The following CDYL2 variants were observed in gnomAD, a reference collection of about 807,000 sequenced individuals.
The protein encoded by CDYL2 is chromodomain Y like 2, also known as chromodomain Y-like protein 2.
In CDYL2, 23 loss-of-function variants were observed where a neutral mutation model predicts 49.4. The observed-to-expected ratio is 0.47, with a 90% CI of 0.34 to 0.66. The LOEUF is 0.66. CDYL2 is among the 30% of genes least tolerant of loss of function. The pLI is 0.01. For missense variants in CDYL2, 678 were observed against 656.4 expected (o/e 1.03, Z -0.36); for synonymous variants, 360 against 268.8 (o/e 1.34, Z -3.32).
intron 1 of CDYL2, among the ~76,000 whole-genome samples, chr16:80,733,516 C>T (rs778275740): frequency 5.3e-5 from 8 of 152,142 alleles, no homozygotes; most frequent in Non-Finnish European, 8.8e-5. Flanking sequence ...TCTCTTTATA[C>T]GCAGTAGGAA....
Position 80,633,936 on chromosome 16 carries a change from C to T in CDYL2, c.617-700G>A, listed in dbSNP as rs546805994. Among the ~76,000 whole-genome samples the T allele has an allele frequency of 2.0e-5, 3 of 152,304 alleles. 1 individual carries two copies. The South Asian group carries it at 6.2e-4, about 32-fold the overall frequency. On this transcript the variant is annotated intron_variant, in intron 2 of 6. Transcript: ENST00000570137. ...CCAGATGTATAACGGTTCCCAGTCT[C>T]CAGCCTCACACAGGATACATCAGGA...
intron 2 of CDYL2, among the ~76,000 whole-genome samples, chr16:80,663,913 A>G (rs1356490761): frequency 1.3e-5 from 2 of 152,230 alleles, no homozygotes; most frequent in African/African-American, 4.8e-5. Context: ...AGCATTCAGC[A>G]GTGTAAAGCA....
chr16:80,707,327 G>A (rs1904438745), intron 1 of CDYL2, among the ~76,000 whole-genome samples: 1 of 151,992 alleles, frequency 6.6e-6, no homozygotes, highest in Non-Finnish European at 1.5e-5. Context: ...ACTCATCCTG[G>A]GGCTGGCGTG....
intron 1 of CDYL2, among the ~76,000 whole-genome samples, chr16:80,773,617 T>C (rs1419555001): frequency 6.6e-6 from 1 of 152,178 alleles, no homozygotes; most frequent in Non-Finnish European, 1.5e-5. Context: ...TGTTCTTTAA[T>C]GATAAAATTG....
intron 1 of CDYL2, among the ~76,000 whole-genome samples, chr16:80,711,762 G>A (rs2142512356): frequency 6.6e-6 from 1 of 152,190 alleles, no homozygotes; most frequent in South Asian, 2.1e-4. Flanking sequence ...CAGTAAATCT[G>A]AAGCATAGTG....
intron 2 of CDYL2, among the ~76,000 whole-genome samples, chr16:80,678,640 A>ACTGTT (rs2142464667): frequency 6.7e-6 from 1 of 149,454 alleles, no homozygotes; most frequent in South Asian, 2.2e-4. Context: ...GTGGAGAAAT[A>ACTGTT]GGAACACTTT....
chr16:80,753,278 T>G (rs752687661), intron 1 of CDYL2, among the ~76,000 whole-genome samples: 1 of 151,634 alleles, frequency 6.6e-6, no homozygotes. Flanking sequence ...AAAAAAAATT[T>G]AATCTTGACT....
intron 2 of CDYL2, among the ~76,000 whole-genome samples, chr16:80,657,817 T>C (rs910829444): frequency 1.3e-5 from 2 of 152,124 alleles, no homozygotes; most frequent in Non-Finnish European, 2.9e-5. Context: ...ACAGGAAAAC[T>C]GTACTTCCAA....
chr16:80,687,575 T>C (rs1910249363), intron 1 of CDYL2, among the ~76,000 whole-genome samples: 1 of 151,940 alleles, frequency 6.6e-6, no homozygotes, highest in South Asian at 2.1e-4. Context: ...GCTGGCTGGA[T>C]GGATGGATGG....
chr16:80,750,881 G>A (rs1372093395), intron 1 of CDYL2, among the ~76,000 whole-genome samples: 2 of 152,116 alleles, frequency 1.3e-5, no homozygotes, highest in African/African-American at 2.4e-5. Context: ...CTAGCCAGGC[G>A]TGGTGGCGGG....
At chr16:80,711,168 C>G (rs562594063) in intron 1 of CDYL2, among the ~76,000 whole-genome samples, 1 of 152,316 alleles carries the variant, frequency 6.6e-6, no homozygotes, top group African/African-American at 2.4e-5. Context: ...GGGTGAAAAC[C>G]AGGTGGGAGG....
chr16:80,727,392 G>A (rs568874324), intron 1 of CDYL2, among the ~76,000 whole-genome samples: 2 of 152,232 alleles, frequency 1.3e-5, no homozygotes, highest in African/African-American at 4.8e-5. Flanking sequence ...TTTCCGAGGG[G>A]CTTAAAAAAC....
intron 3 of CDYL2, among the ~76,000 whole-genome samples, chr16:80,623,732 G>C (rs1230616147): frequency 1.3e-5 from 2 of 152,208 alleles, no homozygotes; most frequent in African/African-American, 4.8e-5. Flanking sequence ...GTCACTGTGA[G>C]AAGTTTGCAA....
intron 1 of CDYL2, among the ~76,000 whole-genome samples, chr16:80,782,116 C>T (rs1205026713): frequency 6.6e-6 from 1 of 150,768 alleles, no homozygotes; most frequent in Admixed American, 6.6e-5. Context: ...TTGGAAAGAC[C>T]AACAAAATTA....
chr16:80,782,597 A>G (rs1300274306), intron 1 of CDYL2, among the ~76,000 whole-genome samples: 1 of 151,728 alleles, frequency 6.6e-6, no homozygotes, highest in African/African-American at 2.4e-5. Flanking sequence ...AAAATTCTCA[A>G]CAAAATACTA....
At chr16:80,633,420 T>G (rs1036240180) in intron 2 of CDYL2, among the ~76,000 whole-genome samples, 184 bp from the exon 3 acceptor site, 11 of 152,112 alleles carry the variant, frequency 7.2e-5, no homozygotes, top group Non-Finnish European at 1.6e-4. Flanking sequence ...AATTCCTGCA[T>G]CTCCAAATTC....
At chr16:80,630,535 T>C (rs1323118309) in intron 3 of CDYL2, among the ~76,000 whole-genome samples, 1 of 152,182 alleles carries the variant, frequency 6.6e-6, no homozygotes, top group Non-Finnish European at 1.5e-5. Context: ...TTTCCAGGTG[T>C]ATAAACATAT....
chr16:80,790,741 ATCAG>A (rs1333475883), intron 1 of CDYL2, among the ~76,000 whole-genome samples: 2 of 152,202 alleles, frequency 1.3e-5, no homozygotes, highest in African/African-American at 4.8e-5. Context: ...TCCCTATAAT[ATCAG>A]TCAGTCAGGG....
At chr16:80,666,914 G>C (rs1909288154) in intron 2 of CDYL2, among the ~76,000 whole-genome samples, 1 of 152,202 alleles carries the variant, frequency 6.6e-6, no homozygotes, top group African/African-American at 2.4e-5. Context: ...TGGTGATACA[G>C]CTGTGAACAA....
Sources: gnomAD v4.1 joint callset for allele counts (sites outside exome capture counted in the v4.1 genomes callset) on GRCh38, gnomAD v4.1.1 for gene constraint, MANE v1.5 for transcripts, NCBI Gene and HGNC (gene_info 2026-07-23, HGNC 2026-07-21) for gene names.